LINGO2: variants seen among roughly 807,000 people sequenced by gnomAD.
LINGO2 encodes leucine-rich repeat and immunoglobulin-like domain-containing nogo receptor-interacting protein 2.
Under a neutral mutation model 30.6 loss-of-function variants are expected in LINGO2, and 14 were observed. The ratio of observed to expected loss-of-function variants is 0.46; its 90% CI spans 0.30 to 0.72. LINGO2 has a LOEUF of 0.72. Among genes scored for constraint, LINGO2 ranks in the 30% least tolerant of loss-of-function variants. The probability of loss-of-function intolerance (pLI) is 0.07; values close to 1 mark genes in which losing one functional copy is unlikely to be tolerated. For synonymous variants in LINGO2, 317 were observed against 288.5 expected (o/e 1.10, Z -1.00); for missense variants, 729 against 751.7 (o/e 0.97, Z 0.35).
At chr9:28,565,675 CT>C (rs1180260110) in intron 1 of LINGO2, among the ~76,000 whole-genome samples, 1 of 151,658 alleles carries the variant, frequency 6.6e-6, no homozygotes, top group Non-Finnish European at 1.5e-5. Flanking sequence ...CCTCAGCCTC[CT>C]GAGTAGCTGG....
chr9:28,450,777 T>C (rs1824618467), intron 2 of LINGO2, among the ~76,000 whole-genome samples: 1 of 152,026 alleles, frequency 6.6e-6, no homozygotes, highest in Non-Finnish European at 1.5e-5. Context: ...TTTCATGACT[T>C]TTTAAATGTA....
intron 5 of LINGO2, among the ~76,000 whole-genome samples, chr9:27,951,046 G>C (rs952986083): frequency 6.6e-6 from 1 of 152,116 alleles, no homozygotes; most frequent in Non-Finnish European, 1.5e-5. Flanking sequence ...ACACTCAAAG[G>C]CTCAGTTTTA....
intron 4 of LINGO2, among the ~76,000 whole-genome samples, chr9:28,121,811 T>C (rs1827104156): frequency 6.6e-6 from 1 of 152,212 alleles, no homozygotes; most frequent in African/African-American, 2.4e-5. Context: ...ATTACTCCAC[T>C]AGAATATGAA....
the LINGO2 span, among the ~76,000 whole-genome samples, chr9:28,852,484 A>T: frequency 6.6e-6 from 1 of 152,034 alleles, no homozygotes; most frequent in Non-Finnish European, 1.5e-5. Context: ...GTGGTTATTT[A>T]TACATATGCC....
intron 1 of LINGO2, among the ~76,000 whole-genome samples, chr9:28,618,669 C>T (rs1826248279): frequency 6.6e-6 from 1 of 152,138 alleles, no homozygotes; most frequent in South Asian, 2.1e-4. Flanking sequence ...GATCTAGCTC[C>T]TTTAGTTCTA....
In LINGO2 at chr9:28,206,334, A is replaced by T. The variant is rs1255995177; in HGVS notation, c.-87+88874T>A. On this transcript the variant is annotated intron_variant, in intron 4 of 5. Transcript: ENST00000379992. ...TTTCTTAGCACTCATCTCCAAGAGT[A>T]GTATGTCTTCTCCAAGTTTAGTAAT... Among the ~76,000 whole-genome samples, 3 of 152,154 alleles carry T rather than the reference A, an allele frequency of 2.0e-5. No homozygotes were observed. The South Asian group carries it at 6.2e-4, about 32-fold the overall frequency.
chr9:28,579,785 A>G (rs1478733436), intron 1 of LINGO2, among the ~76,000 whole-genome samples: 10 of 152,122 alleles, frequency 6.6e-5, no homozygotes. Flanking sequence ...TTCCTTTTCC[A>G]GAAATAATGA....
intron 4 of LINGO2, among the ~76,000 whole-genome samples, chr9:28,080,145 C>T (rs1023401042): frequency 3.3e-5 from 5 of 152,216 alleles, no homozygotes; most frequent in African/African-American, 9.7e-5. Flanking sequence ...TCACTTATGC[C>T]TCCCATGGGA....
At chr9:28,787,566 C>T in the LINGO2 span, among the ~76,000 whole-genome samples, 1 of 152,012 alleles carries the variant, frequency 6.6e-6, no homozygotes, top group Non-Finnish European at 1.5e-5. Flanking sequence ...AATAAATAAC[C>T]CTGCAATGTC....
At chr9:28,472,269 A>C (rs1046359561) in intron 2 of LINGO2, among the ~76,000 whole-genome samples, 1 of 152,096 alleles carries the variant, frequency 6.6e-6, no homozygotes, top group Admixed American at 6.6e-5. Context: ...GAAGAGACTA[A>C]AGTTAAAAAA....
chr9:28,710,396 G>C, the LINGO2 span, among the ~76,000 whole-genome samples: 8 of 151,898 alleles, frequency 5.3e-5, no homozygotes, highest in East Asian at 1.5e-3. Context: ...GACCCAAATG[G>C]ACTGACATCT....
chr9:28,258,511 C>A (rs998605666), intron 4 of LINGO2, among the ~76,000 whole-genome samples: 1 of 151,862 alleles, frequency 6.6e-6, no homozygotes, highest in Non-Finnish European at 1.5e-5. Context: ...CACACACACA[C>A]CCCACAAGAT....
At chr9:27,943,549 C>T (rs1012142252), downstream of LINGO2, 3 of 151,560 alleles carry the variant, frequency 2.0e-5, no homozygotes, top group East Asian at 1.9e-4. Flanking sequence ...CTGCAGATTG[C>T]TGTCAGCTTG....
the LINGO2 span, among the ~76,000 whole-genome samples, chr9:28,784,459 G>A: frequency 2.6e-5 from 4 of 152,122 alleles, no homozygotes; most frequent in Admixed American, 2.6e-4. Context: ...TAAACTAGAC[G>A]ACCTAATTTT....
the LINGO2 span, among the ~76,000 whole-genome samples, chr9:28,879,831 C>T: frequency 6.9e-6 from 1 of 144,132 alleles, no homozygotes; most frequent in African/African-American, 2.8e-5. Context: ...GCTACTGTGG[C>T]AATTGACTAG....
At chr9:28,203,408 C>T (rs1358336823) in intron 4 of LINGO2, among the ~76,000 whole-genome samples, 7 of 152,148 alleles carry the variant, frequency 4.6e-5, no homozygotes, top group African/African-American at 1.7e-4. Flanking sequence ...GCAGTGCCTC[C>T]TCTTATGAAC....
At chr9:28,947,705 T>C in the LINGO2 span, among the ~76,000 whole-genome samples, 2 of 151,494 alleles carry the variant, frequency 1.3e-5, no homozygotes, top group African/African-American at 4.8e-5. Flanking sequence ...CATATACACG[T>C]CTGTATATTT....
intron 2 of LINGO2, among the ~76,000 whole-genome samples, chr9:28,453,696 T>C (rs1464624516): frequency 1.3e-5 from 2 of 152,004 alleles, no homozygotes; most frequent in East Asian, 1.9e-4. Context: ...AATACTAGAA[T>C]ATAAATGTAT....
chr9:28,017,677 T>C (rs181162634), intron 4 of LINGO2, among the ~76,000 whole-genome samples: 1 of 152,096 alleles, frequency 6.6e-6, no homozygotes, highest in African/African-American at 2.4e-5. Flanking sequence ...TCTCTACAAA[T>C]GAGAATTTCA....
Sources: gnomAD v4.1 joint callset for allele counts (sites outside exome capture counted in the v4.1 genomes callset) on GRCh38, gnomAD v4.1.1 for gene constraint, MANE v1.5 for transcripts, NCBI Gene and HGNC (gene_info 2026-07-23, HGNC 2026-07-21) for gene names.